FER1L6: variants seen among roughly 807,000 people sequenced by gnomAD.
FER1L6 encodes the protein fer-1 like family member 6.
In FER1L6, 177 loss-of-function variants were observed where a neutral mutation model predicts 219.2. The ratio of observed to expected loss-of-function variants is 0.81; its 90% confidence interval spans 0.71 to 0.91. The LOEUF is 0.91. Among genes scored for constraint, FER1L6 ranks in the 40% least tolerant of loss-of-function variants. FER1L6 has a pLI of 0.00. For synonymous variants in FER1L6, 768 were observed against 824.3 expected, an observed-to-expected ratio of 0.93 and a Z score of 1.17; for missense variants, 2,153 against 2,259.9, an observed-to-expected ratio of 0.95 and a Z score of 0.96.
intron 1 of FER1L6, among the ~76,000 whole-genome samples, chr8:123,878,326 G>A (rs1817046292): frequency 6.6e-6 from 1 of 152,166 alleles, no homozygotes; most frequent in Non-Finnish European, 1.5e-5. Context: ...GTAACCTGGA[G>A]TTCACAGAGT....
At position 124,087,784 on chromosome 8, in the gene FER1L6, A is replaced by G. The variant is rs907617579; in HGVS notation, c.4392-3639A>G. Reference sequence around the variant, plus strand: ...ATCTAAATATTTGGTCACTGCAGCCATATCTGCATTAGGGGACACTAAGCA... The same window carrying G: ...ATCTAAATATTTGGTCACTGCAGCCGTATCTGCATTAGGGGACACTAAGCA... On this transcript the variant is annotated intron_variant, in intron 33 of 40. Coordinates refer to ENST00000522917, the MANE Select transcript of FER1L6 (RefSeq NM_001039112.2). Among the ~76,000 whole-genome samples the G allele has an allele frequency of 4.6e-5, 7 of 152,324 alleles. No individual in the cohort carries two copies. In the South Asian group the frequency reaches 8.3e-4, roughly 18 times the overall value.
chr8:123,857,998 C>A (rs1038761296), intron 1 of FER1L6, among the ~76,000 whole-genome samples: 2 of 152,156 alleles, frequency 1.3e-5, no homozygotes, highest in Admixed American at 6.5e-5. Flanking sequence ...TGCAGGCATC[C>A]CCACATTTTT....
intron 34 of FER1L6, 136 bp downstream of exon 34, chr8:124,091,719 C>CTGGG: frequency 3.3e-6 from 3 of 899,002 alleles, no homozygotes; most frequent in Non-Finnish European, 5.0e-6. Flanking sequence ...GTAATCCCAG[C>CTGGG]ACTATGGGAG....
intron 13 of FER1L6, chr8:124,004,115 C>CAAAAAAAAAA (rs80310802): frequency 7.1e-4 from 56 of 78,324 alleles, no homozygotes; most frequent in Non-Finnish European, 9.7e-4. Context: ...CTGAAAGACT[C>CAAAAAAAAAA]AAAAAAAAAA....
chr8:124,007,397 C>T (rs956845949), intron 13 of FER1L6, among the ~76,000 whole-genome samples: 1 of 152,046 alleles, frequency 6.6e-6, no homozygotes. Context: ...TCACACAGTC[C>T]CAGGTGTTTG....
intron 1 of FER1L6, among the ~76,000 whole-genome samples, chr8:123,896,376 T>G (rs1812741981): frequency 6.6e-6 from 1 of 152,230 alleles, no homozygotes; most frequent in African/African-American, 2.4e-5. Flanking sequence ...GTTTCTGCTC[T>G]GCAACACAGC....
Position 123,980,483 on chromosome 8 carries a change from G to C in FER1L6, c.1082G>C (p.Gly361Ala). Residue 361 changes from glycine to alanine, a missense_variant, in exon 11 of 41, where the codon GGG (glycine) becomes GCG (alanine). Physicochemically the swap from Gly to Ala is moderately conservative, Grantham distance 60. Transcript: ENST00000522917. ...TCTCTAGGCTTTCTGCCCACCTTTGGGCCTGCCTGGATTAACCTGTATGGC... is the reference window on the plus strand; with the variant it reads ...TCTCTAGGCTTTCTGCCCACCTTTGCGCCTGCCTGGATTAACCTGTATGGC... ...DGDKGFLPTF[G>A]PAWINLYGSP... 3 of 1,613,068 alleles carry C rather than the reference G, an allele frequency of 1.9e-6. No individual in the cohort carries two copies. Among genetic ancestry groups the C allele is most frequent in the Non-Finnish European group, 2.5e-6 (3 of 1,179,470 alleles).
At chr8:124,106,218 A>G (rs935262357) in intron 39 of FER1L6, among the ~76,000 whole-genome samples, 2 of 150,750 alleles carry the variant, frequency 1.3e-5, no homozygotes, top group African/African-American at 4.9e-5. Flanking sequence ...AGTCCCAGCT[A>G]CTCAGGATGC....
At chr8:123,988,114 C>CAAAAAAAAA (rs1200130926) in intron 12 of FER1L6, among the ~76,000 whole-genome samples, 3 of 141,468 alleles carry the variant, frequency 2.1e-5, no homozygotes, top group African/African-American at 5.3e-5. Flanking sequence ...CAGCATGTCT[C>CAAAAAAAAA]AAAAAAAAAA....
chr8:123,870,481 G>A (rs931540474), intron 1 of FER1L6, among the ~76,000 whole-genome samples: 2 of 152,164 alleles, frequency 1.3e-5, no homozygotes, highest in African/African-American at 4.8e-5. Flanking sequence ...AAAAGAAGGA[G>A]CTATTAAACT....
At chr8:124,099,348 GTTTC>G (rs142432333) in intron 37 of FER1L6, among the ~76,000 whole-genome samples, 120,557 of 151,600 alleles carry the variant, frequency 0.8, 48,321 homozygotes, top group Non-Finnish European at 0.86. Context: ...CTACAACACT[GTTTC>G]TTCTCTACGG....
At chr8:123,954,407 G>A (rs932309672) in intron 1 of FER1L6, among the ~76,000 whole-genome samples, 1 of 152,100 alleles carries the variant, frequency 6.6e-6, no homozygotes, top group East Asian at 1.9e-4. Context: ...CAGCACTGAT[G>A]TGGGAGCTCC....
chr8:124,104,489 G>C (rs1822681243), intron 39 of FER1L6, among the ~76,000 whole-genome samples: 3 of 152,194 alleles, frequency 2.0e-5, no homozygotes, highest in African/African-American at 7.2e-5. Flanking sequence ...CAGGACAAAG[G>C]ACAATGAAAA....
intron 36 of FER1L6, 25 bp downstream of exon 36, chr8:124,097,384 C>G: frequency 6.6e-7 from 1 of 1,512,002 alleles, no homozygotes; most frequent in Non-Finnish European, 9.2e-7. Flanking sequence ...GCCCCAGCTT[C>G]AGGGGAAGAG....
intron 21 of FER1L6, 75 bp downstream of exon 21, chr8:124,045,976 A>G: frequency 6.5e-7 from 1 of 1,547,366 alleles, no homozygotes; most frequent in Non-Finnish European, 8.8e-7. Flanking sequence ...CTTTATTTTA[A>G]AGTAAATAAA....
intron 1 of FER1L6, among the ~76,000 whole-genome samples, chr8:123,904,743 AG>A: frequency 6.6e-6 from 1 of 152,356 alleles, no homozygotes; most frequent in East Asian, 1.9e-4. Flanking sequence ...CCCCACTCTG[AG>A]ATTCCAAGAG....
Position 124,057,826 on chromosome 8 carries a change from A to G in FER1L6, c.2875-2354A>G, listed in dbSNP as rs565225988. ...TTCCAGTGACTAAATTTTCAGCTAT[A>G]GAATTTCCATTTCTTTTTTTATTAT... On this transcript the variant is annotated intron_variant, in intron 22 of 40. Coordinates refer to ENST00000522917, the MANE Select transcript of FER1L6 (RefSeq NM_001039112.2). Among the ~76,000 whole-genome samples, 20 of 152,290 alleles carry G rather than the reference A, an allele frequency of 1.3e-4. No homozygotes were observed. In the South Asian group the frequency reaches 4.1e-3, roughly 32 times the overall value.
intron 1 of FER1L6, among the ~76,000 whole-genome samples, chr8:123,898,659 G>GTATA (rs1459198195): frequency 1.7e-5 from 2 of 116,862 alleles, no homozygotes; most frequent in African/African-American, 6.5e-5. Context: ...ATATATATAT[G>GTATA]TATATATATA....
intron 2 of FER1L6, among the ~76,000 whole-genome samples, chr8:123,962,084 T>A (rs1467497071): frequency 1.3e-5 from 2 of 152,020 alleles, no homozygotes; most frequent in African/African-American, 2.4e-5. Context: ...AGAGATGGGG[T>A]TTCACCACGT....
Sources: gnomAD v4.1 joint callset for allele counts (sites outside exome capture counted in the v4.1 genomes callset) on GRCh38, gnomAD v4.1.1 for gene constraint, MANE v1.5 for transcripts, NCBI Gene and HGNC (gene_info 2026-07-23, HGNC 2026-07-21) for gene names.